The following RERE variants were observed in gnomAD, a reference collection of about 807,000 sequenced individuals.
RERE encodes arginine-glutamic acid dipeptide repeats protein.
In RERE, 40 loss-of-function variants were observed where a neutral mutation model predicts 146.1. The ratio of observed to expected loss-of-function variants is 0.27; its 90% CI spans 0.21 to 0.36. The LOEUF (loss-of-function observed/expected upper bound fraction) is 0.36, where lower values mean the gene tolerates loss of function less well. RERE is among the 10% of genes least tolerant of loss of function. The pLI is 1.00. For missense variants in RERE, 1,933 were observed against 2,138.7 expected, an observed-to-expected ratio of 0.90 and a Z score of 1.90; for synonymous variants, 1,003 against 866.0, an observed-to-expected ratio of 1.16 and a Z score of -2.78.
intron 1 of RERE, among the ~76,000 whole-genome samples, chr1:8,685,652 T>C (rs6702457): frequency 0.83 from 125,980 of 152,220 alleles, 52,360 homozygotes; most frequent in East Asian, 0.94. Flanking sequence ...TCGTTTTCAA[T>C]GTCCAAAAAT....
At chr1:8,429,983 G>A (rs917849641) in intron 11 of RERE, 12 of 152,134 alleles carry the variant, frequency 7.9e-5, no homozygotes, top group Admixed American at 2.0e-4. Context: ...GTAAGGAGGG[G>A]TAGGGTGAAA....
At chr1:8,542,015 T>C (rs1645806577) in intron 6 of RERE, among the ~76,000 whole-genome samples, 2 of 152,192 alleles carry the variant, frequency 1.3e-5, no homozygotes, top group Non-Finnish European at 2.9e-5. Flanking sequence ...AACCAACCTG[T>C]AGTTGAAAAC....
intron 1 of RERE, among the ~76,000 whole-genome samples, chr1:8,729,175 A>T (rs1413306645): frequency 9.6e-6 from 1 of 103,688 alleles, no homozygotes; most frequent in Non-Finnish European, 2.4e-5. Context: ...ATCTCAATCA[A>T]TCAATCAATC....
intron 2 of RERE, among the ~76,000 whole-genome samples, chr1:8,629,125 G>C (rs1372508074): frequency 6.6e-6 from 1 of 152,116 alleles, no homozygotes; most frequent in African/African-American, 2.4e-5. Flanking sequence ...TGCCTGTAAT[G>C]GGCCAGAAAA....
chr1:8,521,241 G>C (rs1211369441), intron 7 of RERE, among the ~76,000 whole-genome samples: 4 of 147,828 alleles, frequency 2.7e-5, no homozygotes, highest in African/African-American at 1.0e-4. Context: ...AAGAGAGTAA[G>C]AAGAAAGTGG....
chr1:8,795,982 C>CAAAAAAAAAAAA (rs556814425), intron 1 of RERE, among the ~76,000 whole-genome samples: 1 of 30,020 alleles, frequency 3.3e-5, no homozygotes, highest in Non-Finnish European at 6.8e-5. Flanking sequence ...AACTCCGTCT[C>CAAAAAAAAAAAA]AAAAAAAAAA....
chr1:8,434,225 C>G (rs1436241005), intron 11 of RERE, among the ~76,000 whole-genome samples: 4 of 152,278 alleles, frequency 2.6e-5, no homozygotes, highest in South Asian at 2.1e-4. Flanking sequence ...AAGAGTCCAA[C>G]AGCCCCTCAA....
chr1:8,633,925 T>C (rs1250533399), intron 2 of RERE, among the ~76,000 whole-genome samples: 2 of 151,882 alleles, frequency 1.3e-5, no homozygotes, highest in East Asian at 1.9e-4. Flanking sequence ...TGAGACTCTG[T>C]CAAAGAAAGA....
At chr1:8,692,344 C>CTA (rs1553134729) in intron 1 of RERE, among the ~76,000 whole-genome samples, 1 of 147,596 alleles carries the variant, frequency 6.8e-6, no homozygotes, top group Admixed American at 6.8e-5. Context: ...CTCCCATATA[C>CTA]TTTTTTTTTT....
intron 1 of RERE, among the ~76,000 whole-genome samples, chr1:8,740,371 T>C (rs1248692614): frequency 1.3e-5 from 2 of 152,172 alleles, no homozygotes; most frequent in Admixed American, 1.3e-4. Context: ...TCTGGGTGAG[T>C]CAGTGAGTCA....
rs912895385 is a variant in RERE, at chr1:8,423,728, CGGCGCGGGGCCCGGGGGGCGCGG to C, written c.1204-944_1204-922del. 37 of 978,426 alleles carry C rather than the reference CGGCGCGGGGCCCGGGGGGCGCGG, an allele frequency of 3.8e-5. No individual in the cohort carries two copies. The highest frequency in any genetic ancestry group is 1.8e-4 in the African/African-American group (10 of 56,634). 60.6% of individuals were successfully genotyped at this position (978,426 alleles called of 1,614,324 possible). On this transcript the variant is annotated intron_variant, in intron 11 of 22. Transcript: ENST00000400908. This position sits in a 1 kb window ranked among gnomAD's most constrained non-coding sequence, Gnocchi z 5.4. ...GGCGTGTGACCGCGGCGGGGCCGCG[CGGCGCGGGGCCCGGGGGGCGCGG>C]GGCTGGGGCCGCCGCTGACGGGGGA...
At chr1:8,512,343 C>CT (rs1645353087) in intron 7 of RERE, among the ~76,000 whole-genome samples, 1 of 151,546 alleles carries the variant, frequency 6.6e-6, no homozygotes. Context: ...AGGAAACACT[C>CT]TTAATCATCA....
Position 8,361,390 on chromosome 1 carries a change from T to C in RERE, c.2117A>G (p.Gln706Arg). ...EGSSDPKDID[Q>R]DNRSTSPSIP... ...GCTCGGGGACGTGCTGCGATTGTCC[T>C]GGTCGATGTCTTTGGGGTCACTGCT... Residue 706 changes from glutamine (Q) to arginine (R), a missense_variant, in exon 18 of 23, where the codon CAG becomes CGG. Transcript: ENST00000400908. 6.2e-7 allele frequency: 1 copy of C among 1,613,874 alleles called. No individual in the cohort carries two copies. Among genetic ancestry groups the C allele is most frequent in the South Asian group, 1.1e-5 (1 of 91,088 alleles).
At chr1:8,538,556 C>T (rs921968752) in intron 7 of RERE, among the ~76,000 whole-genome samples, 1 of 152,208 alleles carries the variant, frequency 6.6e-6, no homozygotes, top group Non-Finnish European at 1.5e-5. Flanking sequence ...TTCGGGATAA[C>T]ACCAGCAAGC....
rs58933208 is a variant in RERE at position 8,617,343 on chromosome 1, CA to C, written c.397-2658del. Among the ~76,000 whole-genome samples, 109 of 80,366 alleles carry C rather than the reference CA, an allele frequency of 1.4e-3. 1 individual carries two copies. The highest frequency in any genetic ancestry group is 1.8e-3 in the Admixed American group (13 of 7,118). The allele number at this position is 80,366 out of a possible 152,430, so 52.7% of individuals were successfully genotyped here. ...GGGTGACAAGAGTGAAACTCTGTCT[CA>C]AAAAAAAAAAAAAGAATTCCATCCT... is the stretch of plus-strand genomic sequence containing the variant. On this transcript the variant is annotated intron_variant, in intron 3 of 22. Coordinates refer to ENST00000400908, the MANE Select transcript of RERE (RefSeq NM_001042681.2).
chr1:8,556,786 G>A (rs531900471), intron 5 of RERE, among the ~76,000 whole-genome samples: 92 of 152,262 alleles, frequency 6.0e-4, no homozygotes, highest in African/African-American at 2.0e-3. Flanking sequence ...TCTTGGCTAT[G>A]TTTTATACCC....
intron 1 of RERE, among the ~76,000 whole-genome samples, chr1:8,732,177 A>G (rs1640100660): frequency 6.6e-6 from 1 of 152,152 alleles, no homozygotes; most frequent in Non-Finnish European, 1.5e-5. Context: ...TGACTTAAAA[A>G]CTTATGTCCA....
At chr1:8,810,943 T>C (rs1470505589) in intron 1 of RERE, among the ~76,000 whole-genome samples, 1 of 151,634 alleles carries the variant, frequency 6.6e-6, no homozygotes, top group East Asian at 1.9e-4. Context: ...TCACAGAAAA[T>C]AAAAGGAGAA....
At chr1:8,615,678 CA>C (rs1390149676) in intron 3 of RERE, among the ~76,000 whole-genome samples, 2 of 152,166 alleles carry the variant, frequency 1.3e-5, no homozygotes, top group Non-Finnish European at 2.9e-5. Flanking sequence ...TCCTGTTACA[CA>C]TAATTCCCTT....
Sources: allele counts gnomAD v4.1 joint callset (sites outside exome capture counted in the v4.1 genomes callset), GRCh38; gene constraint gnomAD v4.1.1; non-coding constraint Gnocchi (gnomAD v3.1); transcripts MANE v1.5; gene names NCBI Gene and HGNC (gene_info 2026-07-23, HGNC 2026-07-21).